CDH13: variants seen among roughly 807,000 people sequenced by gnomAD.
The protein encoded by CDH13 is cadherin-13.
In CDH13, 24 loss-of-function variants were observed where a neutral mutation model predicts 63.8. The observed-to-expected ratio is 0.38, with a 90% CI of 0.27 to 0.53. The LOEUF (loss-of-function observed/expected upper bound fraction) is 0.53, where lower values mean the gene tolerates loss of function less well. Ranked by LOEUF, CDH13 falls within the 20% of genes least tolerant of loss-of-function variation. The pLI is 0.85. For synonymous variants in CDH13, 503 were observed against 355.3 expected (o/e 1.42, Z -4.67); for missense variants, 1,049 against 903.1 (o/e 1.16, Z -2.07).
intron 3 of CDH13, among the ~76,000 whole-genome samples, chr16:83,123,560 T>G (rs1349623497): frequency 1.3e-5 from 2 of 152,216 alleles, no homozygotes; most frequent in African/African-American, 2.4e-5. Context: ...ATTACAGGCG[T>G]GAGCCACTGC....
intron 4 of CDH13, among the ~76,000 whole-genome samples, chr16:83,185,344 C>G: frequency 6.6e-6 from 1 of 152,192 alleles, no homozygotes; most frequent in African/African-American, 2.4e-5. Context: ...ACCTGACCTA[C>G]TGCACCTTGT....
chr16:83,097,055 C>T (rs984535598), intron 3 of CDH13, among the ~76,000 whole-genome samples: 1 of 152,198 alleles, frequency 6.6e-6, no homozygotes, highest in Non-Finnish European at 1.5e-5. Flanking sequence ...ACCACTCTCC[C>T]TTGTCACTTT....
At chr16:82,951,258 C>T (rs898757387) in intron 2 of CDH13, among the ~76,000 whole-genome samples, 14 of 152,152 alleles carry the variant, frequency 9.2e-5, no homozygotes, top group African/African-American at 3.4e-4. Context: ...TCCCTCACCC[C>T]ATCCCAATCT....
chr16:83,489,466 G>A (rs1229875519), intron 7 of CDH13, among the ~76,000 whole-genome samples: 1 of 152,164 alleles, frequency 6.6e-6, no homozygotes, highest in Non-Finnish European at 1.5e-5. Context: ...CAATCCAAAG[G>A]AAAGAAATGT....
chr16:83,209,224 C>T (rs187544156), intron 4 of CDH13, among the ~76,000 whole-genome samples: 6 of 152,328 alleles, frequency 3.9e-5, no homozygotes, highest in Admixed American at 2.6e-4. Flanking sequence ...CTTTCCCTAA[C>T]ATCCTTCACC....
At chr16:83,199,776 C>A (rs779111230) in intron 4 of CDH13, among the ~76,000 whole-genome samples, 1 of 152,110 alleles carries the variant, frequency 6.6e-6, no homozygotes, top group Non-Finnish European at 1.5e-5. Flanking sequence ...TCTGTCCTCC[C>A]GAGGACCTCA....
At chr16:83,741,020 C>T (rs1267381016) in intron 10 of CDH13, among the ~76,000 whole-genome samples, 1 of 152,178 alleles carries the variant, frequency 6.6e-6, no homozygotes, top group Non-Finnish European at 1.5e-5. Context: ...CCATGGCAGT[C>T]CTTTCTGTTT....
intron 7 of CDH13, among the ~76,000 whole-genome samples, chr16:83,592,273 T>A (rs921134488): frequency 6.6e-6 from 1 of 152,224 alleles, no homozygotes; most frequent in Non-Finnish European, 1.5e-5. Flanking sequence ...ACCCCCTTCA[T>A]GTAAACCTTA....
intron 8 of CDH13, among the ~76,000 whole-genome samples, chr16:83,660,913 C>T (rs1339950900): frequency 7.1e-6 from 1 of 140,302 alleles, no homozygotes; most frequent in African/African-American, 2.6e-5. Context: ...ATAAAGTATC[C>T]AAGCCTGAAA....
rs2039571822 is a variant in CDH13 at position 83,217,487 on chromosome 16, C to T, written c.626C>T (p.Ala209Val). The T allele has an allele frequency of 6.2e-7, 1 of 1,613,522 alleles. No individual in the cohort carries two copies. The highest frequency in any genetic ancestry group is 8.5e-7 in the Non-Finnish European group (1 of 1,179,620). Residue 209 changes from alanine (A) to valine (V), a missense_variant, in exon 5 of 14, where the codon GCT (alanine) becomes GTT (valine). Ala to Val is a moderately conservative substitution (Grantham distance 64). Transcript: ENST00000567109. ...CGGACCTTGGACAGAGAAGTAATCGCTGTTTATCAAGTGAGTACCCCTCTC... is the reference window on the plus strand; with the variant it reads ...CGGACCTTGGACAGAGAAGTAATCGTTGTTTATCAAGTGAGTACCCCTCTC... The part of the protein sequence containing the change: ...VTRTLDREVI[A>V]VYQLFVETTD...
chr16:83,047,347 T>C lies in CDH13; in HGVS notation c.366+15129T>C, dbSNP rs76482747. Among the ~76,000 whole-genome samples the C allele has an allele frequency of 0.03, 4,515 of 152,288 alleles. 95 individuals carry two copies. Among genetic ancestry groups the C allele is most frequent in the Non-Finnish European group, 0.045 (3,090 of 68,024 alleles). On this transcript the variant is annotated intron_variant, in intron 3 of 13. Coordinates refer to ENST00000567109, the MANE Select transcript of CDH13 (RefSeq NM_001257.5). The surrounding 1 kb of genome is among the most constrained non-coding windows in gnomAD (Gnocchi z 4.9). Reference sequence around the variant, plus strand: ...ATTGTCCATTCTCGTAAACCGTGGTTAACACAGATAATTGAGACTTGAGTG... The same window carrying C: ...ATTGTCCATTCTCGTAAACCGTGGTCAACACAGATAATTGAGACTTGAGTG...
chr16:83,677,858 G>GAT (rs1329803641), intron 9 of CDH13, among the ~76,000 whole-genome samples: 1 of 152,036 alleles, frequency 6.6e-6, no homozygotes, highest in Non-Finnish European at 1.5e-5. Flanking sequence ...GTTGCCTAAC[G>GAT]ATATCTCAGA....
At chr16:83,308,930 C>G (rs993587644) in intron 5 of CDH13, among the ~76,000 whole-genome samples, 2 of 152,202 alleles carry the variant, frequency 1.3e-5, no homozygotes, top group Non-Finnish European at 2.9e-5. Context: ...AAAGAATTCA[C>G]AAGAACATTC....
At chr16:82,680,056 C>G (rs984813160) in intron 1 of CDH13, among the ~76,000 whole-genome samples, 1 of 152,144 alleles carries the variant, frequency 6.6e-6, no homozygotes, top group African/African-American at 2.4e-5. Context: ...TTGCTTGTCC[C>G]TATCCACTCT....
intron 2 of CDH13, among the ~76,000 whole-genome samples, chr16:83,014,597 G>A (rs1914500148): frequency 6.6e-6 from 1 of 150,482 alleles, no homozygotes; most frequent in Admixed American, 6.7e-5. Context: ...GCCGAGTGGT[G>A]GCCCATGCCT....
chr16:83,112,039 T>C (rs2035081681), intron 3 of CDH13, among the ~76,000 whole-genome samples: 1 of 152,240 alleles, frequency 6.6e-6, no homozygotes, highest in African/African-American at 2.4e-5. Flanking sequence ...AGAAAAAAGT[T>C]TCCAGAGTTC....
In CDH13 at chr16:83,546,430, T is replaced by G. The variant is rs75400704; in HGVS notation, c.961-56024T>G. Among the ~76,000 whole-genome samples, 31 of 64,066 alleles carry G rather than the reference T, an allele frequency of 4.8e-4. 1 individual carries two copies. The highest frequency in any genetic ancestry group is 1.1e-3 in the African/African-American group (29 of 27,460). The allele number at this position is 64,066 out of a possible 152,430, so 42.0% of individuals were successfully genotyped here. On this transcript the variant is annotated intron_variant, in intron 7 of 13. Coordinates refer to ENST00000567109, the MANE Select transcript of CDH13 (RefSeq NM_001257.5). The stretch of plus-strand genomic sequence containing the variant: ...ATGCATTTGTTAGCCATACTACTGG[T>G]TTTTTTTTTTTTTAATCAAAGAAGA...
At chr16:83,181,046 A>G (rs1246732347) in intron 4 of CDH13, 6 of 1,487,074 alleles carry the variant, frequency 4.0e-6, no homozygotes, top group East Asian at 5.0e-5. Flanking sequence ...TTTCAAATCC[A>G]TTTTCTCTAC....
chr16:83,133,371 C>T (rs1430256691), intron 4 of CDH13, among the ~76,000 whole-genome samples: 1 of 151,952 alleles, frequency 6.6e-6, no homozygotes, highest in Non-Finnish European at 1.5e-5. Context: ...GAAACAAATC[C>T]CTTGTATTTC....
Sources: gnomAD v4.1 joint callset for allele counts (sites outside exome capture counted in the v4.1 genomes callset) on GRCh38, gnomAD v4.1.1 for gene constraint, Gnocchi (gnomAD v3.1) non-coding constraint, MANE v1.5 for transcripts, NCBI Gene and HGNC (gene_info 2026-07-23, HGNC 2026-07-21) for gene names.